CAPN11: variants seen among roughly 807,000 people sequenced by gnomAD.
CAPN11 encodes calpain-11.
A neutral mutation model predicts 105.3 loss-of-function variants in CAPN11; 108 were observed. That is an observed-to-expected ratio of 1.03 (90% CI 0.88 to 1.20). The LOEUF is 1.20. CAPN11 is among the 50% of genes most tolerant of loss of function. The pLI is 0.00. For missense variants in CAPN11, 883 were observed against 924.8 expected (o/e 0.95, Z 0.59); for synonymous variants, 329 against 344.5 (o/e 0.96, Z 0.50).
In CAPN11 at chr6:44,177,317, A is replaced by G. The variant is rs1772242224; in HGVS notation, c.1313A>G (p.Asn438Ser). Residue 438 changes from asparagine (N) to serine (S), a missense_variant, in exon 12 of 23, where the codon AAT (asparagine) becomes AGT (serine). Asn to Ser is a conservative substitution (Grantham distance 46). Transcript: ENST00000398776. The part of the protein sequence containing the change: ...GDDPEDDAEG[N>S]VVVCTCLVAL... ...GACCCAGAGGATGACGCAGAGGGCA[A>G]TGTTGTGGTCTGCACCTGCCTGGTG... The G allele has an allele frequency of 3.7e-6, 6 of 1,613,754 alleles. No homozygotes were observed. Among genetic ancestry groups the G allele is most frequent in the Non-Finnish European group, 5.1e-6 (6 of 1,179,858 alleles).
chr6:44,175,785 AAAT>A (rs770755547), intron 7 of CAPN11, among the ~76,000 whole-genome samples: 25 of 61,530 alleles, frequency 4.1e-4, no homozygotes, highest in Middle Eastern at 7.2e-3. Context: ...AAATAATAAT[AAAT>A]AATAATAATA....
In CAPN11 at chr6:44,177,245, C is replaced by G; in HGVS notation, c.1241C>G (p.Thr414Arg). Residue 414 changes from threonine to arginine, a missense_variant, in exon 12 of 23, where the codon ACG becomes AGG. By Grantham distance (71) the Thr-to-Arg change is moderately conservative. Coordinates refer to ENST00000398776, the MANE Select transcript of CAPN11 (RefSeq NM_007058.4). ...CGCTGACCCACTTCCGCCACAGGCACGTTCTGGACCAACCCCCAGTTTAAG... is the reference window on the plus strand; with the variant it reads ...CGCTGACCCACTTCCGCCACAGGCAGGTTCTGGACCAACCCCCAGTTTAAG... ...SAGGCRNHPG[T>R]FWTNPQFKIS... 1 of 1,580,948 alleles carries G rather than the reference C, an allele frequency of 6.3e-7. No homozygotes were observed. The highest frequency in any genetic ancestry group is 8.6e-7 in the Non-Finnish European group (1 of 1,163,280).
intron 7 of CAPN11, among the ~76,000 whole-genome samples, chr6:44,174,515 C>CAAAAAA (rs66536720): frequency 1.3e-5 from 1 of 77,304 alleles, no homozygotes; most frequent in Non-Finnish European, 2.4e-5. Context: ...TCATCTCTAC[C>CAAAAAA]AAAAAAAAAA....
intron 14 of CAPN11, 139 bp from the exon 15 acceptor site, chr6:44,180,321 C>CAGAACT: frequency 1.1e-6 from 1 of 932,566 alleles, no homozygotes; most frequent in Admixed American, 2.3e-5. Flanking sequence ...GTGGCAGAAC[C>CAGAACT]AGAACTAGAA....
chr6:44,161,924 G>T (rs1228946029), intron 1 of CAPN11: 4 of 455,510 alleles, frequency 8.8e-6, no homozygotes, highest in African/African-American at 2.0e-5. Context: ...GCTCAACCCA[G>T]GTTTGTCAAC....
chr6:44,176,338 G>C lies in CAPN11; in HGVS notation c.1001G>C (p.Ser334Thr). The change falls in exon 9 of 23, where the codon AGT becomes ACT. Residue 334 changes from serine (S) to threonine (T), a missense_variant and splice_region_variant. Physicochemically the swap from Ser to Thr is moderately conservative, Grantham distance 58. Transcript: ENST00000398776. ...RIEWNGAWSD[S>T]AREWEEVASD... ...GAGTGGAATGGAGCTTGGAGTGACA[G>C]GTAGGTGTCCCCAACCCAGGTGAGG... The C allele has an allele frequency of 6.2e-7, 1 of 1,613,414 alleles. No individual in the cohort carries two copies. Among genetic ancestry groups the C allele is most frequent in the South Asian group, 1.1e-5 (1 of 91,082 alleles).
At chr6:44,180,196 G>A (rs769777762) in intron 14 of CAPN11, 33 bp downstream of exon 14, 12 of 1,476,318 alleles carry the variant, frequency 8.1e-6, no homozygotes, top group South Asian at 2.3e-5. Context: ...TCCAAGGCCC[G>A]CCACCCAAGA....
intron 19 of CAPN11, among the ~76,000 whole-genome samples, chr6:44,181,840 T>A (rs111162055): frequency 7.9e-3 from 69 of 8,746 alleles, no homozygotes; most frequent in Middle Eastern, 0.05. Context: ...ACACACACAC[T>A]CACATACAGA....
At position 44,172,415 on chromosome 6, in the gene CAPN11, T is replaced by A; in HGVS notation, c.523T>A (p.Phe175Ile). 1.9e-6 allele frequency: 3 copies of A among 1,547,140 alleles called. No homozygotes were observed. The highest frequency in any genetic ancestry group is 2.6e-6 in the Non-Finnish European group (3 of 1,142,328). Residue 175 changes from phenylalanine (F) to isoleucine (I), a missense_variant, in exon 5 of 23, where the codon TTT becomes ATT. Physicochemically the swap from Phe to Ile is conservative, Grantham distance 21. Transcript: ENST00000398776. Reference sequence around the variant, plus strand: ...GAAAAACTATGCTGGCATCTTCCATTTTCAGGTGAAGGACAGTGTGAGAGC... The same window carrying A: ...GAAAAACTATGCTGGCATCTTCCATATTCAGGTGAAGGACAGTGTGAGAGC... The part of the protein sequence containing the change: ...FKKNYAGIFH[F>I]QIWQFGQWVN...
Position 44,180,612 on chromosome 6 carries a change from G to A in CAPN11, c.1696G>A (p.Asp566Asn). ...EQLQEEKVSEDDMDQDFLHLF... is the reference protein window; with the variant it reads ...EQLQEEKVSENDMDQDFLHLF... The stretch of plus-strand genomic sequence containing the variant: ...CGGCCCCCAGGAAAAGGTCTCTGAG[G>A]ATGACATGGACCAGGACTTCCTACA... The change falls in exon 16 of 23, where the codon GAT (aspartate) becomes AAT (asparagine). Residue 566 changes from aspartate to asparagine, a missense_variant. Transcript: ENST00000398776. 1 of 1,613,788 alleles carries A rather than the reference G, an allele frequency of 6.2e-7. No homozygotes were observed. The highest frequency in any genetic ancestry group is 8.5e-7 in the Non-Finnish European group (1 of 1,179,836).
chr6:44,178,206 G>A (rs1026683767), intron 12 of CAPN11, among the ~76,000 whole-genome samples: 2 of 152,032 alleles, frequency 1.3e-5, no homozygotes, highest in Non-Finnish European at 2.9e-5. Flanking sequence ...GAAGCGGAAG[G>A]AGCCTGCGGG....
intron 19 of CAPN11, among the ~76,000 whole-genome samples, chr6:44,181,742 T>A (rs200544114): frequency 2.9e-3 from 17 of 5,782 alleles, no homozygotes; most frequent in Non-Finnish European, 3.8e-3. Flanking sequence ...CACACCACAC[T>A]CACACACACA....
Position 44,180,806 on chromosome 6 carries a change from G to A in CAPN11, c.1804+1G>A, listed in dbSNP as rs1262130251. 1 of 1,613,554 alleles carries A rather than the reference G, an allele frequency of 6.2e-7. No homozygotes were observed. Among genetic ancestry groups the A allele is most frequent in the African/African-American group, 1.3e-5 (1 of 74,934 alleles). On this transcript the variant is annotated splice_donor_variant, in intron 17 of 22. Coordinates refer to ENST00000398776, the MANE Select transcript of CAPN11 (RefSeq NM_007058.4). LOFTEE classifies it high-confidence loss of function. Reference sequence around the variant, plus strand: ...CTGCTCAACAGGATGGCCATCAAATGTGAGTCTTCCACTCCTGCTGCACAC... The same window carrying A: ...CTGCTCAACAGGATGGCCATCAAATATGAGTCTTCCACTCCTGCTGCACAC...
intron 1 of CAPN11, among the ~76,000 whole-genome samples, chr6:44,160,251 A>G (rs1380916795): frequency 6.6e-6 from 1 of 152,278 alleles, no homozygotes; most frequent in Non-Finnish European, 1.5e-5. Context: ...CACAGTGAAT[A>G]CATATTTCAA....
Position 44,184,130 on chromosome 6 carries a change from GCTTT to G in CAPN11, c.*201_*204del, listed in dbSNP as rs1774209285. On this transcript the variant is annotated 3_prime_UTR_variant, in exon 23 of 23. Coordinates refer to ENST00000398776, the MANE Select transcript of CAPN11 (RefSeq NM_007058.4). ...CCGTGCCCACTCCCCCAGCTCAGAGGCTTTCTCTTTTTTCCCCAACCCGGCTTCT... is the reference window on the plus strand; with the variant it reads ...CCGTGCCCACTCCCCCAGCTCAGAGGCTCTTTTTTCCCCAACCCGGCTTCT... 3.3e-6 allele frequency: 2 copies of G among 598,056 alleles called. No individual in the cohort carries two copies. Among genetic ancestry groups the G allele is most frequent in the Non-Finnish European group, 5.9e-6 (2 of 339,038 alleles). The allele number at this position is 598,056 out of a possible 1,614,324, so 37.0% of individuals were successfully genotyped here.
At position 44,183,031 on chromosome 6, in the gene CAPN11, T is replaced by C. The variant is rs1225629836; in HGVS notation, c.2017+12T>C. ...TATTGAGAAAGCAGGTGGCCAAGGG[T>C]CAGGAGTGGGCCTTGGGGCAGGGAA... is the stretch of plus-strand genomic sequence containing the variant. On this transcript the variant is annotated intron_variant, in intron 20 of 22. Coordinates refer to ENST00000398776, the MANE Select transcript of CAPN11 (RefSeq NM_007058.4). 6.2e-7 allele frequency: 1 copy of C among 1,609,424 alleles called. No individual in the cohort carries two copies. Among genetic ancestry groups the C allele is most frequent in the African/African-American group, 1.3e-5 (1 of 74,800 alleles).
At chr6:44,171,384 A>C (rs965994706) in intron 4 of CAPN11, among the ~76,000 whole-genome samples, 1 of 152,222 alleles carries the variant, frequency 6.6e-6, no homozygotes, top group African/African-American at 2.4e-5. Flanking sequence ...GCTGGGGCAC[A>C]TACTGAGCCC....
intron 12 of CAPN11, 30 bp from the exon 13 acceptor site, chr6:44,179,589 A>T (rs1772783975): frequency 6.2e-7 from 1 of 1,610,028 alleles, no homozygotes; most frequent in Admixed American, 1.7e-5. Flanking sequence ...CACCCTAGAG[A>T]TCTGACTCTC....
At chr6:44,165,809 C>T (rs899474354) in intron 1 of CAPN11, among the ~76,000 whole-genome samples, 1 of 152,098 alleles carries the variant, frequency 6.6e-6, no homozygotes, top group Non-Finnish European at 1.5e-5. Flanking sequence ...GCTGGCAAAG[C>T]GATGTCCTGA....
Sources: gnomAD v4.1 joint callset for allele counts (sites outside exome capture counted in the v4.1 genomes callset) on GRCh38, gnomAD v4.1.1 for gene constraint, MANE v1.5 for transcripts, NCBI Gene and HGNC (gene_info 2026-07-23, HGNC 2026-07-21) for gene names.